The following ERG variants were observed in gnomAD, a reference collection of about 807,000 sequenced individuals.
The protein encoded by ERG is transcriptional regulator ERG.
A neutral mutation model predicts 55.3 loss-of-function variants in ERG; 9 were observed. The ratio of observed to expected loss-of-function variants is 0.16; its 90% confidence interval spans 0.10 to 0.28. The LOEUF (loss-of-function observed/expected upper bound fraction) is 0.28, where lower values mean the gene tolerates loss of function less well. Among genes scored for constraint, ERG ranks in the 10% least tolerant of loss-of-function variants. The pLI, the probability that ERG is intolerant of heterozygous loss-of-function variation, is 1.00. For synonymous variants in ERG, 223 were observed against 237.3 expected (o/e 0.94, Z 0.55); for missense variants, 434 against 631.6 (o/e 0.69, Z 3.35).
chr21:38,386,358 G>C (rs767373535), intron 9 of ERG, among the ~76,000 whole-genome samples: 5 of 152,184 alleles, frequency 3.3e-5, no homozygotes, highest in Non-Finnish European at 7.4e-5. Context: ...GTAAATGGTA[G>C]AAAGAGTAAC....
chr21:38,603,608 T>C (rs2060178044), intron 1 of ERG, among the ~76,000 whole-genome samples: 1 of 151,892 alleles, frequency 6.6e-6, no homozygotes, highest in Admixed American at 6.6e-5. Flanking sequence ...TCTCACTGAG[T>C]CTGCTATTTT....
At chr21:38,473,862 G>A (rs2059162831) in intron 1 of ERG, among the ~76,000 whole-genome samples, 1 of 152,002 alleles carries the variant, frequency 6.6e-6, no homozygotes, top group Admixed American at 6.6e-5. Context: ...GTTTGCGTAT[G>A]TATGCATGTG....
intron 3 of ERG, among the ~76,000 whole-genome samples, chr21:38,409,018 C>T (rs1289858042): frequency 6.6e-6 from 1 of 151,934 alleles, no homozygotes; most frequent in East Asian, 1.9e-4. Context: ...AGAAATGACT[C>T]GAATAGGATA....
At chr21:38,650,937 G>C (rs2060485178) in intron 1 of ERG, among the ~76,000 whole-genome samples, 1 of 152,222 alleles carries the variant, frequency 6.6e-6, no homozygotes, top group South Asian at 2.1e-4. Flanking sequence ...CTTTAAGAAT[G>C]CCGTTCTTCA....
intron 1 of ERG, among the ~76,000 whole-genome samples, chr21:38,609,696 A>G (rs2060214993): frequency 6.6e-6 from 1 of 152,272 alleles, no homozygotes; most frequent in Non-Finnish European, 1.5e-5. Context: ...GCAGGTGCAC[A>G]TGCATATGTG....
At position 38,447,076 on chromosome 21, in the gene ERG, C is replaced by T. The variant is rs1160281220; in HGVS notation, c.19-1455G>A. ...GAGCTTCCTCTCCACCCAGAAGGAT[C>T]AGAATTTTTAGGAAACAATCACCCC... On this transcript the variant is annotated intron_variant, in intron 1 of 9. Transcript: ENST00000288319. 3.3e-5 allele frequency among the ~76,000 whole-genome samples: 5 copies of T among 151,972 alleles called. No homozygotes were observed. The East Asian group carries it at 9.7e-4, about 29-fold the overall frequency.
At chr21:38,645,786 A>G (rs2060452426) in intron 1 of ERG, among the ~76,000 whole-genome samples, 1 of 152,216 alleles carries the variant, frequency 6.6e-6, no homozygotes, top group Non-Finnish European at 1.5e-5. Flanking sequence ...TACATTCCAA[A>G]TACAGGCCCA....
Position 38,528,702 on chromosome 21 carries a change from C to G in ERG, c.-41+46960G>C, listed in dbSNP as rs375198070. On this transcript the variant is annotated intron_variant, in intron 2 of 8. Transcript: ENST00000398897. ...TGACCTCATGATCCACCCGCCTCGG[C>G]CTCCCAAAGTGCTGGGATTACAGGC... Among the ~76,000 whole-genome samples the G allele has an allele frequency of 1.2e-4, 5 of 40,180 alleles. No individual in the cohort carries two copies. In the East Asian group the frequency reaches 1.3e-3, roughly 10 times the overall value. The allele number at this position is 40,180 out of a possible 152,430, so 26.4% of individuals were successfully genotyped here.
In ERG at chr21:38,615,864, T is replaced by C. The variant is rs573774623; in HGVS notation, c.-149-30919A>G. ...GAATGCAGAGTTGAGAAGAGATGCATACAGTCAGCTCTCAGGAGCTGCCAA... is the reference window on the plus strand; with the variant it reads ...GAATGCAGAGTTGAGAAGAGATGCACACAGTCAGCTCTCAGGAGCTGCCAA... On this transcript the variant is annotated intron_variant, in intron 1 of 10. Coordinates refer to the ERG transcript ENST00000398910. 2.6e-5 allele frequency among the ~76,000 whole-genome samples: 4 copies of C among 152,070 alleles called. No individual in the cohort carries two copies. The South Asian group carries it at 6.3e-4, about 24-fold the overall frequency.
intron 1 of ERG, among the ~76,000 whole-genome samples, chr21:38,496,326 G>A (rs17193997): frequency 0.035 from 5,359 of 152,288 alleles, 193 homozygotes; most frequent in East Asian, 0.2. Flanking sequence ...ACTGGAAATT[G>A]CCTCTATGGG....
rs901407153 is a variant in ERG at position 38,468,853 on chromosome 21, T to C, written c.19-23232A>G. ...ACAAAAAATTAGCCGGGCGTGGTGG[T>C]GGGCGCCTGTAGTCCCAGCTACTAG... On this transcript the variant is annotated intron_variant, in intron 1 of 9. Coordinates refer to ENST00000288319, the MANE Select transcript of ERG (RefSeq NM_182918.4). Among the ~76,000 whole-genome samples, 4 of 151,300 alleles carry C rather than the reference T, an allele frequency of 2.6e-5. No homozygotes were observed. The East Asian group carries it at 5.8e-4, about 22-fold the overall frequency.
At chr21:38,461,952 G>GT (rs1301021312) in intron 1 of ERG, among the ~76,000 whole-genome samples, 2 of 151,520 alleles carry the variant, frequency 1.3e-5, no homozygotes, top group African/African-American at 4.9e-5. Context: ...TTACAGGCGT[G>GT]TCCCACCATG....
At position 38,442,817 on chromosome 21, in the gene ERG, T is replaced by G. The variant is rs997510195; in HGVS notation, c.236+2587A>C. ...TGCTTATTTTTTTATTTTTTATTTT[T>G]ATTTTTTTGAGATGGAGTTTCTCTC... On this transcript the variant is annotated intron_variant, in intron 2 of 9. Coordinates refer to ENST00000288319, the MANE Select transcript of ERG (RefSeq NM_182918.4). 2.0e-5 allele frequency among the ~76,000 whole-genome samples: 3 copies of G among 152,230 alleles called. No homozygotes were observed. The South Asian group carries it at 6.2e-4, about 32-fold the overall frequency.
chr21:38,661,308 G>A (rs2060554876), intron 1 of ERG, among the ~76,000 whole-genome samples: 1 of 152,240 alleles, frequency 6.6e-6, no homozygotes, highest in Non-Finnish European at 1.5e-5. Flanking sequence ...AGTGAAAACG[G>A]TTGCGACACT....
At chr21:38,543,938 T>C (rs1601218400) in intron 2 of ERG, among the ~76,000 whole-genome samples, 2 of 152,174 alleles carry the variant, frequency 1.3e-5, no homozygotes, top group East Asian at 3.9e-4. Context: ...GATTTCACCA[T>C]GTTGGCCAGG....
At chr21:38,395,266 C>G (rs1039433520) in intron 6 of ERG, 64 of 228,542 alleles carry the variant, frequency 2.8e-4, no homozygotes, top group African/African-American at 1.3e-3. Flanking sequence ...TCAACTCAGG[C>G]TCACTGAGAT....
chr21:38,636,432 C>T (rs2060389231), intron 1 of ERG, among the ~76,000 whole-genome samples: 1 of 152,158 alleles, frequency 6.6e-6, no homozygotes, highest in South Asian at 2.1e-4. Flanking sequence ...AGTTCACCCT[C>T]TGGGGGAAGG....
intron 2 of ERG, among the ~76,000 whole-genome samples, chr21:38,434,028 T>A (rs1990347601): frequency 6.6e-6 from 1 of 151,984 alleles, no homozygotes; most frequent in Non-Finnish European, 1.5e-5. Flanking sequence ...GCTACCAGAG[T>A]GCTCTCCCCC....
At chr21:38,511,296 T>G (rs1232609085) in intron 2 of ERG, among the ~76,000 whole-genome samples, 1 of 152,202 alleles carries the variant, frequency 6.6e-6, no homozygotes, top group Non-Finnish European at 1.5e-5. Context: ...AACATAAAAC[T>G]AAATATGAAA....
Sources: allele counts gnomAD v4.1 joint callset (sites outside exome capture counted in the v4.1 genomes callset), GRCh38; gene constraint gnomAD v4.1.1; transcripts MANE v1.5; gene names NCBI Gene and HGNC (gene_info 2026-07-23, HGNC 2026-07-21).